PPP2R2B: variants seen among roughly 807,000 people sequenced by gnomAD.
PPP2R2B encodes the protein serine/threonine-protein phosphatase 2A 55 kDa regulatory subunit B beta isoform.
PPP2R2B carries 5 observed loss-of-function variants against 46.0 expected under a neutral mutation model. That is an observed-to-expected ratio of 0.11 (90% CI 0.06 to 0.23). PPP2R2B has a LOEUF of 0.23. PPP2R2B is among the 10% of genes least tolerant of loss of function. PPP2R2B has a pLI of 1.00. For missense variants in PPP2R2B, 367 were observed against 575.0 expected, an observed-to-expected ratio of 0.64 and a Z score of 3.70; for synonymous variants, 215 against 206.7, an observed-to-expected ratio of 1.04 and a Z score of -0.34.
chr5:146,812,219 T>C (rs1196219690), intron 2 of PPP2R2B, among the ~76,000 whole-genome samples: 1 of 151,702 alleles, frequency 6.6e-6, no homozygotes, highest in Non-Finnish European at 1.5e-5. Context: ...GGGGTGAGAA[T>C]AAAATCCAAA....
rs1241457244 is a variant in PPP2R2B at position 146,581,709 on chromosome 5, G to A, written c.*8238C>T. 3 of 152,178 alleles carry A rather than the reference G, an allele frequency of 2.0e-5. No individual in the cohort carries two copies. Among genetic ancestry groups the A allele is most frequent in the African/African-American group, 7.2e-5 (3 of 41,444 alleles). 9.4% of individuals were successfully genotyped at this position (152,178 alleles called of 1,614,324 possible). ...GTGTATTTCAGATCAGTTCTGTATT[G>A]TGGCTTGTATGTAATATGACTCACT... On this transcript the variant is annotated 3_prime_UTR_variant, in exon 10 of 10. Coordinates refer to ENST00000394411, the MANE Select transcript of PPP2R2B (RefSeq NM_181675.4).
chr5:146,583,808 C>T lies in PPP2R2B; in HGVS notation c.*6139G>A, dbSNP rs1350642091. On this transcript the variant is annotated 3_prime_UTR_variant, in exon 10 of 10. Coordinates refer to ENST00000394411, the MANE Select transcript of PPP2R2B (RefSeq NM_181675.4). The stretch of plus-strand genomic sequence containing the variant: ...GGAAAGCCCCTGTTCCCTTCTACTC[C>T]AGCTTCCTCAGTCTTCCATGACTCC... 1 of 152,178 alleles carries T rather than the reference C, an allele frequency of 6.6e-6. No individual in the cohort carries two copies. Among genetic ancestry groups the T allele is most frequent in the African/African-American group, 2.4e-5 (1 of 41,444 alleles). The allele number at this position is 152,178 out of a possible 1,614,324, so 9.4% of individuals were successfully genotyped here.
At chr5:147,078,195 T>G (rs975454158) in intron 2 of PPP2R2B, among the ~76,000 whole-genome samples, 1 of 152,218 alleles carries the variant, frequency 6.6e-6, no homozygotes, top group African/African-American at 2.4e-5. Context: ...AGGGTCTAAT[T>G]ATAATATTTA....
chr5:146,902,421 A>T (rs1762864726), intron 1 of PPP2R2B, among the ~76,000 whole-genome samples: 1 of 152,168 alleles, frequency 6.6e-6, no homozygotes, highest in African/African-American at 2.4e-5. Context: ...TAATAGCAAT[A>T]ATAATATTGC....
chr5:146,805,876 G>T (rs1417693588), intron 2 of PPP2R2B, among the ~76,000 whole-genome samples: 1 of 152,006 alleles, frequency 6.6e-6, no homozygotes, highest in Non-Finnish European at 1.5e-5. Context: ...CTTAATTATC[G>T]GCAGCTCGAT....
At chr5:146,617,158 G>A (rs1773244260) in intron 7 of PPP2R2B, among the ~76,000 whole-genome samples, 1 of 152,110 alleles carries the variant, frequency 6.6e-6, no homozygotes, top group Admixed American at 6.6e-5. Flanking sequence ...CTTATTTATG[G>A]AAGCTAAAAA....
At chr5:146,838,332 G>A (rs1398235793) in intron 2 of PPP2R2B, among the ~76,000 whole-genome samples, 2 of 152,026 alleles carry the variant, frequency 1.3e-5, no homozygotes, top group East Asian at 3.9e-4. Context: ...AGCACTTTGG[G>A]AGGCCAAGGT....
intron 1 of PPP2R2B, among the ~76,000 whole-genome samples, chr5:146,921,157 A>G (rs1763591207): frequency 6.6e-6 from 1 of 152,186 alleles, no homozygotes; most frequent in Non-Finnish European, 1.5e-5. Flanking sequence ...TTTGTAAATC[A>G]TCTAGATTTT....
intron 5 of PPP2R2B, among the ~76,000 whole-genome samples, chr5:146,667,999 G>A (rs184642846): frequency 3.3e-5 from 5 of 152,264 alleles, no homozygotes; most frequent in East Asian, 3.9e-4. Context: ...TCCCATATTC[G>A]TAATCACATC....
intron 2 of PPP2R2B, among the ~76,000 whole-genome samples, chr5:146,834,708 T>C (rs1759168773): frequency 6.8e-6 from 1 of 146,662 alleles, no homozygotes; most frequent in Non-Finnish European, 1.5e-5. Flanking sequence ...TTGTGTGTGT[T>C]GAGACTTGTC....
upstream of PPP2R2B, among the ~76,000 whole-genome samples, chr5:146,879,975 A>G (rs545601816): frequency 2.0e-4 from 30 of 152,352 alleles, no homozygotes; most frequent in Admixed American, 6.5e-4. Context: ...TATACATACA[A>G]TGCTTCGGCT....
At position 146,794,636 on chromosome 5, in the gene PPP2R2B, A is replaced by T. The variant is rs1201948242; in HGVS notation, c.70+83366T>A. Among the ~76,000 whole-genome samples, 30 of 152,146 alleles carry T rather than the reference A, an allele frequency of 2.0e-4. 1 individual carries two copies. Among genetic ancestry groups the T allele is most frequent in the Admixed American group, 2.0e-3 (30 of 15,260 alleles). ...TCTACAGTTGAGTAAGCCCAGAAAA[A>T]CATGGAAAAAAGAGCTGATATTTGC... On this transcript the variant is annotated intron_variant, in intron 2 of 9. Coordinates refer to ENST00000394411, the MANE Select transcript of PPP2R2B (RefSeq NM_181675.4).
At chr5:147,044,877 T>C (rs1236653619) in intron 1 of PPP2R2B, among the ~76,000 whole-genome samples, 3 of 152,218 alleles carry the variant, frequency 2.0e-5, no homozygotes, top group Non-Finnish European at 4.4e-5. Flanking sequence ...TTAGTGGTTC[T>C]GTCCTAAGTC....
At chr5:146,696,107 GTT>G (rs562284847) in intron 4 of PPP2R2B, among the ~76,000 whole-genome samples, 1 of 144,178 alleles carries the variant, frequency 6.9e-6, no homozygotes. Flanking sequence ...AAATCCTTGA[GTT>G]TTTTTTTTTT....
chr5:146,638,031 A>C (rs1561793291), intron 7 of PPP2R2B, among the ~76,000 whole-genome samples: 1 of 148,558 alleles, frequency 6.7e-6, no homozygotes, highest in Middle Eastern at 3.4e-3. Flanking sequence ...CCCTTTTCTG[A>C]TGAGGGTCAT....
intron 4 of PPP2R2B, among the ~76,000 whole-genome samples, chr5:146,694,557 ACCTCT>A (rs1474908665): frequency 6.6e-6 from 1 of 151,916 alleles, no homozygotes; most frequent in Non-Finnish European, 1.5e-5. Context: ...ATCACCTACA[ACCTCT>A]CCAGTCAGGA....
intron 1 of PPP2R2B, among the ~76,000 whole-genome samples, chr5:146,915,681 C>A (rs1277315773): frequency 6.6e-6 from 1 of 152,116 alleles, no homozygotes; most frequent in Non-Finnish European, 1.5e-5. Context: ...GATTCACTGG[C>A]CTTTGTTCCT....
chr5:146,740,719 T>C (rs574992986), intron 2 of PPP2R2B, among the ~76,000 whole-genome samples: 9 of 152,172 alleles, frequency 5.9e-5, no homozygotes, highest in Admixed American at 2.6e-4. Context: ...TCTGATTATT[T>C]TTTCACAATG....
Position 147,019,248 on chromosome 5 carries a change from T to A in PPP2R2B, c.79+36417A>T, listed in dbSNP as rs541292342. 2.6e-5 allele frequency among the ~76,000 whole-genome samples: 4 copies of A among 152,306 alleles called. No homozygotes were observed. In the East Asian group the frequency reaches 7.7e-4, roughly 29 times the overall value. ...CCATAAATATTTAAATAACTGCTGT[T>A]CAACAAAGTTACTCAAAACAGTAGC... On this transcript the variant is annotated intron_variant, in intron 1 of 8. Transcript: ENST00000336640.
Sources: gnomAD v4.1 joint callset for allele counts (sites outside exome capture counted in the v4.1 genomes callset) on GRCh38, gnomAD v4.1.1 for gene constraint, MANE v1.5 for transcripts, NCBI Gene and HGNC (gene_info 2026-07-23, HGNC 2026-07-21) for gene names.